FOXO4: variants seen among roughly 807,000 people sequenced by gnomAD.
The protein encoded by FOXO4 is forkhead box protein O4.
In FOXO4, 3 loss-of-function variants were observed where a neutral mutation model predicts 20.8. The ratio of observed to expected loss-of-function variants is 0.14; its 90% CI spans 0.07 to 0.37. FOXO4 has a LOEUF of 0.37. Among genes scored for constraint, FOXO4 ranks in the 10% least tolerant of loss-of-function variants. The pLI, the probability that FOXO4 is intolerant of heterozygous loss-of-function variation, is 1.00. For missense variants in FOXO4, 309 were observed against 431.9 expected (o/e 0.72, Z 2.52); for synonymous variants, 158 against 180.0 (o/e 0.88, Z 0.98).
intron 1 of FOXO4, among the ~76,000 whole-genome samples, chrX:71,099,898 G>A (rs189039283): frequency 2.1e-3 from 236 of 111,570 alleles, no homozygotes; most frequent in African/African-American, 7.5e-3. Context: ...AGGGAGGGGG[G>A]AAAAAGGAAT....
rs771810383 is a variant in FOXO4, at chrX:71,096,912, C to T, written c.384C>T (p.Tyr128=). 30 of 1,208,133 alleles carry T rather than the reference C, an allele frequency of 2.5e-5. No individual in the cohort carries two copies. Among genetic ancestry groups the T allele is most frequent in the East Asian group, 5.9e-5 (2 of 33,733 alleles). The part of the protein sequence containing the change: ...PEKRLTLAQI[Y]EWMVRTVPYF... ...AGCGACTGACACTTGCCCAGATCTA[C>T]GAGTGGATGGTCCGTACTGTACCCT... The change falls in exon 1 of 3, where the codon TAC becomes TAT. Residue 128 remains tyrosine, a synonymous_variant. Transcript: ENST00000374259.
Position 71,096,594 on chromosome X carries a change from C to T in FOXO4, c.66C>T (p.Phe22=). 8.3e-7 allele frequency: 1 copy of T among 1,210,429 alleles called. No individual in the cohort carries two copies. Among genetic ancestry groups the T allele is most frequent in the Non-Finnish European group, 1.1e-6 (1 of 894,711 alleles). Residue 22 remains phenylalanine, a synonymous_variant, in exon 1 of 3, where the codon TTC becomes TTT. Transcript: ENST00000374259. ...AAAIIDLDPD[F]EPQSRPRSCT... ...CGATCATAGACCTAGATCCCGACTT[C>T]GAACCCCAGAGCCGTCCCCGCTCCT...
rs922247404 is a variant in FOXO4 at position 71,101,278 on chromosome X, G to C, written c.1048G>C (p.Glu350Gln). 9 of 1,209,377 alleles carry C rather than the reference G, an allele frequency of 7.4e-6. No individual in the cohort carries two copies. Among genetic ancestry groups the C allele is most frequent in the Middle Eastern group, 4.6e-4 (2 of 4,372 alleles). Reference sequence around the variant, plus strand: ...CAGCAGCTCCCTTTTCAGCCCAGCAGAGGGGCCCCTGTCAGCAGGAGAAGG... The same window carrying C: ...CAGCAGCTCCCTTTTCAGCCCAGCACAGGGGCCCCTGTCAGCAGGAGAAGG... ...TYSSSLFSPAEGPLSAGEGCF... is the reference protein window; with the variant it reads ...TYSSSLFSPAQGPLSAGEGCF... Residue 350 changes from glutamate to glutamine, a missense_variant, in exon 2 of 3, where the codon GAG (glutamate) becomes CAG (glutamine). Glu to Gln is a conservative substitution (Grantham distance 29, BLOSUM62 2). Transcript: ENST00000374259.
chrX:71,101,901 C>T (rs2092232666), intron 2 of FOXO4, 161 bp downstream of exon 2: 8 of 667,405 alleles, frequency 1.2e-5, no homozygotes, highest in Admixed American at 2.6e-5. Context: ...GCATAGTTTC[C>T]GGATGGGACC....
chrX:71,099,960 G>A (rs1163388271), intron 1 of FOXO4, among the ~76,000 whole-genome samples: 1 of 112,292 alleles, frequency 8.9e-6, no homozygotes, highest in Non-Finnish European at 1.9e-5. Context: ...GGGGAATGGA[G>A]CACCTGCTGT....
chrX:71,101,382 C>G lies in FOXO4; in HGVS notation c.1152C>G (p.Thr384=). 1 of 1,211,336 alleles carries G rather than the reference C, an allele frequency of 8.3e-7. No individual in the cohort carries two copies. Among genetic ancestry groups the G allele is most frequent in the Non-Finnish European group, 1.1e-6 (1 of 895,177 alleles). ...CACCCCCTGCTGACGTCCTCATGAC[C>G]CAGGTAGATCCCATTCTGTCCCAGG... ...TPPPPADVLM[T]QVDPILSQAP... is the part of the protein sequence containing the mutation. Residue 384 remains threonine (T), a synonymous_variant, in exon 2 of 3, where the codon ACC becomes ACG. Coordinates refer to ENST00000374259, the MANE Select transcript of FOXO4 (RefSeq NM_005938.4).
intron 1 of FOXO4, 72 bp downstream of exon 1, chrX:71,097,053 C>T (rs979053384): frequency 9.7e-6 from 9 of 929,036 alleles, no homozygotes; most frequent in Non-Finnish European, 1.2e-5. Flanking sequence ...CTTACTTCTA[C>T]TCTGGGGCCC....
intron 1 of FOXO4, among the ~76,000 whole-genome samples, chrX:71,100,212 G>A (rs2092227130): frequency 9.7e-6 from 1 of 102,770 alleles, no homozygotes; most frequent in South Asian, 4.8e-4. Context: ...GAAGCCCTGG[G>A]AAGAGCAGAG....
rs746905320 is a variant in FOXO4 at position 71,101,644 on chromosome X, C to T, written c.1414C>T (p.Leu472Phe). ...AGACAGAATGCCTCAGGATCTAGAT[C>T]TTGATATGTATATGGAGAACCTGGA... The part of the protein sequence containing the change: ...SQDRMPQDLD[L>F]DMYMENLECD... The change falls in exon 2 of 3, where the codon CTT becomes TTT. Residue 472 changes from leucine (L) to phenylalanine (F), a missense_variant. Physicochemically the swap from Leu to Phe is conservative, Grantham distance 22. Around this residue, in one of 3 missense-constraint regions of FOXO4, gnomAD observed 223 missense variants for 302.7 expected, o/e 0.74. Transcript: ENST00000374259. 24 of 1,210,803 alleles carry T rather than the reference C, an allele frequency of 2.0e-5. No individual in the cohort carries two copies. The highest frequency in any genetic ancestry group is 2.2e-5 in the Non-Finnish European group (20 of 894,483).
intron 1 of FOXO4, among the ~76,000 whole-genome samples, chrX:71,097,477 G>A (rs1602281763): frequency 9.1e-6 from 1 of 110,374 alleles, no homozygotes; most frequent in Non-Finnish European, 1.9e-5. Flanking sequence ...GCTCTACCCA[G>A]GAGGAGGGAG....
chrX:71,097,067 T>G, intron 1 of FOXO4, 86 bp downstream of exon 1: 1 of 773,126 alleles, frequency 1.3e-6, no homozygotes, highest in Non-Finnish European at 1.9e-6. Flanking sequence ...GGGGCCCCTT[T>G]TACTACCTCC....
At chrX:71,100,253 C>T (rs1250752126) in intron 1 of FOXO4, among the ~76,000 whole-genome samples, 1 of 107,114 alleles carries the variant, frequency 9.3e-6, no homozygotes, top group Non-Finnish European at 1.9e-5. Flanking sequence ...TGGGCATCCC[C>T]CGTGCTCTCT....
Position 71,101,650 on chromosome X carries a change from A to G in FOXO4, c.1420A>G (p.Met474Val). 7.4e-6 allele frequency: 9 copies of G among 1,209,261 alleles called. No individual in the cohort carries two copies. Among genetic ancestry groups the G allele is most frequent in the Non-Finnish European group, 9.0e-6 (8 of 893,187 alleles). ...DRMPQDLDLD[M>V]YMENLECDMD... Reference sequence around the variant, plus strand: ...AATGCCTCAGGATCTAGATCTTGATATGTATATGGAGAACCTGGAGTGTGA... The same window carrying G: ...AATGCCTCAGGATCTAGATCTTGATGTGTATATGGAGAACCTGGAGTGTGA... Residue 474 changes from methionine to valine, a missense_variant, in exon 2 of 3, where the codon ATG (methionine) becomes GTG (valine). Met to Val is a conservative substitution (Grantham distance 21). This residue lies in a region of FOXO4 where 223 missense variants were observed against 302.7 expected (regional missense o/e 0.74). Transcript: ENST00000374259.
Position 71,102,166 on chromosome X carries a change from C to T in FOXO4, c.*82C>T. 9.6e-7 allele frequency: 1 copy of T among 1,041,713 alleles called. No individual in the cohort carries two copies. The highest frequency in any genetic ancestry group is 1.3e-6 in the Non-Finnish European group (1 of 748,567). The allele number at this position is 1,041,713 out of a possible 1,213,427, so 85.8% of individuals were successfully genotyped here. On this transcript the variant is annotated 3_prime_UTR_variant, in exon 3 of 3. Coordinates refer to ENST00000374259, the MANE Select transcript of FOXO4 (RefSeq NM_005938.4). ...CTACTCTTTACCCTTGAGCCCTCCC[C>T]AGGAATTTGGGACCCTGCTTTAGAG...
In FOXO4 at chrX:71,100,746, C is replaced by T. The variant is rs778894784; in HGVS notation, c.516C>T (p.Thr172=). 1.7e-5 allele frequency: 20 copies of T among 1,206,283 alleles called. No individual in the cohort carries two copies. In the African/African-American group the frequency reaches 2.5e-4, roughly 15 times the overall value. Residue 172 remains threonine (T), a synonymous_variant, in exon 2 of 3, where the codon ACC becomes ACT. Coordinates refer to ENST00000374259, the MANE Select transcript of FOXO4 (RefSeq NM_005938.4). ...TCATCAAGGTTCACAACGAGGCCAC[C>T]GGCAAAAGCTCTTGGTGGATGCTGA... ...SKFIKVHNEA[T]GKSSWWMLNP...
In FOXO4 at chrX:71,097,301, G is replaced by C. The variant is rs1038563249; in HGVS notation, c.453+320G>C. Among the ~76,000 whole-genome samples the C allele has an allele frequency of 7.2e-5, 8 of 110,943 alleles. No homozygotes were observed. The Admixed American group carries it at 7.6e-4, about 11-fold the overall frequency. ...CCCAAACACTTATTCCCACAGAGAA[G>C]TCTTTATCCTATGTACAGCAGGAAC... On this transcript the variant is annotated intron_variant, in intron 1 of 2. Coordinates refer to ENST00000374259, the MANE Select transcript of FOXO4 (RefSeq NM_005938.4).
At chrX:71,102,049 C>A in intron 2 of FOXO4, 28 bp from the exon 3 acceptor site, 2 of 1,207,725 alleles carry the variant, frequency 1.7e-6, no homozygotes, top group East Asian at 3.0e-5. Context: ...AAGCCTCTTA[C>A]CTTGTTCTCT....
At chrX:71,097,639 G>A (rs923585818) in intron 1 of FOXO4, among the ~76,000 whole-genome samples, 1 of 112,111 alleles carries the variant, frequency 8.9e-6, no homozygotes, top group African/African-American at 3.2e-5. Flanking sequence ...CCAAGTTTTG[G>A]GGGGAAGTCA....
intron 1 of FOXO4, among the ~76,000 whole-genome samples, chrX:71,098,374 T>G (rs1182322229): frequency 3.6e-5 from 4 of 111,975 alleles, no homozygotes; most frequent in Non-Finnish European, 7.5e-5. Flanking sequence ...GAGCCTGGCT[T>G]GCTCTAATTG....
Sources: allele counts gnomAD v4.1 joint callset (sites outside exome capture counted in the v4.1 genomes callset), GRCh38; gene constraint gnomAD v4.1.1; regional missense constraint gnomAD v4.1.1; transcripts MANE v1.5; gene names NCBI Gene and HGNC (gene_info 2026-07-23, HGNC 2026-07-21).